Variants in DLC1 observed in about 807,000 individuals in gnomAD.
The protein encoded by DLC1 is rho GTPase-activating protein 7.
In DLC1, 54 loss-of-function variants were observed where a neutral mutation model predicts 140.3. That is an observed-to-expected ratio of 0.38 (90% CI 0.31 to 0.48). DLC1 has a LOEUF of 0.48. Among genes scored for constraint, DLC1 ranks in the 20% least tolerant of loss-of-function variants. DLC1 has a pLI of 0.96. For synonymous variants in DLC1, 986 were observed against 728.1 expected (o/e 1.35, Z -5.70); for missense variants, 2,536 against 1,907.0 (o/e 1.33, Z -6.14).
At chr8:13,223,357 T>A (rs1828649225) in intron 5 of DLC1, among the ~76,000 whole-genome samples, 1 of 152,224 alleles carries the variant, frequency 6.6e-6, no homozygotes. Flanking sequence ...AGCTGTACTT[T>A]TCTTTAAAGA....
chr8:13,313,846 C>T (rs1483318068), intron 4 of DLC1, among the ~76,000 whole-genome samples: 1 of 151,812 alleles, frequency 6.6e-6, no homozygotes, highest in African/African-American at 2.4e-5. Flanking sequence ...GGATATAATC[C>T]TTCTTCCTCA....
At chr8:13,407,512 G>C (rs1312581670) in intron 2 of DLC1, among the ~76,000 whole-genome samples, 1 of 152,194 alleles carries the variant, frequency 6.6e-6, no homozygotes, top group African/African-American at 2.4e-5. Flanking sequence ...GCCTCTTCTA[G>C]AGAGACACAG....
At chr8:13,432,157 A>G (rs1250195961) in intron 2 of DLC1, among the ~76,000 whole-genome samples, 5 of 152,218 alleles carry the variant, frequency 3.3e-5, no homozygotes, top group African/African-American at 1.2e-4. Context: ...TCACCAAAAT[A>G]TATCTATTTT....
intron 7 of DLC1, among the ~76,000 whole-genome samples, chr8:13,105,506 G>A (rs1053071251): frequency 2.0e-5 from 3 of 152,066 alleles, no homozygotes; most frequent in African/African-American, 7.2e-5. Context: ...TGGGGCTCAG[G>A]GAGGTCACAG....
chr8:13,225,534 G>A (rs1034932628), intron 5 of DLC1, among the ~76,000 whole-genome samples: 1 of 152,054 alleles, frequency 6.6e-6, no homozygotes, highest in Non-Finnish European at 1.5e-5. Flanking sequence ...TGGCAAAACA[G>A]CAGAGATATG....
intron 4 of DLC1, among the ~76,000 whole-genome samples, chr8:13,307,472 C>G (rs1387382573): frequency 2.0e-5 from 3 of 152,138 alleles, no homozygotes; most frequent in Non-Finnish European, 4.4e-5. Flanking sequence ...CTATGTGTCC[C>G]TTAAAACATA....
At chr8:13,578,080 C>G (rs1035770596) in intron 1 of DLC1, among the ~76,000 whole-genome samples, 1 of 151,964 alleles carries the variant, frequency 6.6e-6, no homozygotes, top group East Asian at 1.9e-4. Flanking sequence ...GGTTGCATTT[C>G]TCTGTGCGTC....
At chr8:13,243,233 T>G (rs1269909285) in intron 5 of DLC1, among the ~76,000 whole-genome samples, 1 of 134,304 alleles carries the variant, frequency 7.4e-6, no homozygotes, top group Non-Finnish European at 1.5e-5. Context: ...GAGGTTGCAG[T>G]GAGCCAAGAT....
intron 5 of DLC1, among the ~76,000 whole-genome samples, chr8:13,121,843 C>T (rs151193785): frequency 4.3e-4 from 66 of 152,226 alleles, no homozygotes; most frequent in Admixed American, 2.4e-3. Flanking sequence ...GTGAACCACC[C>T]GTGCCTGGCC....
chr8:13,237,221 GTGTA>G (rs1009474458), intron 5 of DLC1, among the ~76,000 whole-genome samples: 4 of 127,040 alleles, frequency 3.1e-5, no homozygotes, highest in African/African-American at 1.1e-4. Context: ...GTGTGTGTGT[GTGTA>G]TACATATATA....
intron 1 of DLC1, among the ~76,000 whole-genome samples, chr8:13,591,082 C>T (rs1244342661): frequency 1.3e-5 from 2 of 152,020 alleles, no homozygotes; most frequent in Non-Finnish European, 1.5e-5. Flanking sequence ...AGAAACAGGT[C>T]ACAGAGTGTG....
At chr8:13,537,213 A>G (rs1414741560) in intron 1 of DLC1, among the ~76,000 whole-genome samples, 1 of 152,212 alleles carries the variant, frequency 6.6e-6, no homozygotes, top group African/African-American at 2.4e-5. Context: ...AAATAAAATC[A>G]AAGAAGATAA....
intron 2 of DLC1, among the ~76,000 whole-genome samples, chr8:13,456,288 C>T (rs887366759): frequency 3.3e-5 from 5 of 152,134 alleles, no homozygotes; most frequent in Admixed American, 1.3e-4. Flanking sequence ...TTTGCTTTCA[C>T]AATCAGCATC....
At chr8:13,096,002 T>G (rs1240716565) in intron 10 of DLC1, 2 of 152,238 alleles carry the variant, frequency 1.3e-5, no homozygotes, top group East Asian at 3.9e-4. Flanking sequence ...CCTGGTGTCC[T>G]GAAACCAGGT....
rs1447677222 is a variant in DLC1 at position 13,100,055 on chromosome 8, C to A, written c.2282G>T (p.Arg761Met). ...SAVSTPSPVT[R>M]TRSLSACNKR... ...GTTGCACGCACTGAGGCTCCGGGTC[C>A]TCGTAACAGGGCTGGGCGTGCTGAC... The change falls in exon 9 of 18, where the codon AGG becomes ATG. Residue 761 changes from arginine (R) to methionine (M), a missense_variant. Arg to Met is a moderately conservative substitution (Grantham distance 91, BLOSUM62 -1). Coordinates refer to ENST00000276297, the MANE Select transcript of DLC1 (RefSeq NM_182643.3). 1 of 1,613,278 alleles carries A rather than the reference C, an allele frequency of 6.2e-7. No individual in the cohort carries two copies. The highest frequency in any genetic ancestry group is 1.7e-5 in the Admixed American group (1 of 60,032).
chr8:13,256,104 C>T (rs370936289), intron 5 of DLC1, among the ~76,000 whole-genome samples: 2 of 152,082 alleles, frequency 1.3e-5, no homozygotes, highest in East Asian at 1.9e-4. Context: ...CTAGTTGAGA[C>T]CCAGACTAAG....
intron 14 of DLC1, 108 bp downstream of exon 14, chr8:13,091,210 C>T (rs2128929410): frequency 2.1e-6 from 2 of 936,454 alleles, no homozygotes; most frequent in South Asian, 1.6e-5. Context: ...ATACCGTCTC[C>T]AGCTGTGGAA....
intron 1 of DLC1, among the ~76,000 whole-genome samples, chr8:13,512,427 T>C (rs7836587): frequency 6.6e-6 from 1 of 152,070 alleles, no homozygotes; most frequent in Non-Finnish European, 1.5e-5. Context: ...TACCACGTTG[T>C]TCAGACATTT....
intron 1 of DLC1, among the ~76,000 whole-genome samples, chr8:13,548,713 A>G (rs937968896): frequency 2.0e-5 from 3 of 152,036 alleles, no homozygotes; most frequent in Admixed American, 2.0e-4. Flanking sequence ...TTTTGATAAC[A>G]TAGAGATATA....
Sources: gnomAD v4.1 joint callset for allele counts (sites outside exome capture counted in the v4.1 genomes callset) on GRCh38, gnomAD v4.1.1 for gene constraint, MANE v1.5 for transcripts, NCBI Gene and HGNC (gene_info 2026-07-23, HGNC 2026-07-21) for gene names.